The following LRRC37A2 variants were observed in gnomAD, a reference collection of about 807,000 sequenced individuals.
The protein encoded by LRRC37A2 is leucine-rich repeat-containing protein 37A2.
A neutral mutation model predicts 68.8 loss-of-function variants in LRRC37A2; 9 were observed. That is an observed-to-expected ratio of 0.13 (90% CI 0.08 to 0.23). LRRC37A2 has a LOEUF of 0.23. LRRC37A2 is among the 10% of genes least tolerant of loss of function. The pLI is 1.00. For missense variants in LRRC37A2, 168 were observed against 950.4 expected (o/e 0.18, Z 10.82); for synonymous variants, 63 against 367.6 (o/e 0.17, Z 9.48).
the LRRC37A2 span, among the ~76,000 whole-genome samples, chr17:46,914,220 T>C: frequency 6.6e-6 from 1 of 152,092 alleles, no homozygotes; most frequent in Non-Finnish European, 1.5e-5. Context: ...AGGTGGCATG[T>C]GAGCATTGGC....
At chr17:46,785,222 G>T in the LRRC37A2 span, among the ~76,000 whole-genome samples, 3 of 152,202 alleles carry the variant, frequency 2.0e-5, no homozygotes, top group Non-Finnish European at 4.4e-5. Flanking sequence ...CTTCCCTGTT[G>T]TCCTGGGATC....
At chr17:46,704,710 T>A in the LRRC37A2 span, 2 of 1,585,748 alleles carry the variant, frequency 1.3e-6, no homozygotes, top group Non-Finnish European at 1.7e-6. Context: ...TATTCTTAAC[T>A]ATTCTTAAAT....
the LRRC37A2 span, chr17:46,942,013 A>G: frequency 1.7e-5 from 16 of 941,298 alleles, no homozygotes; most frequent in Non-Finnish European, 2.0e-5. Context: ...CTTACTGTTT[A>G]TATCCTACCT....
At chr17:46,970,473 C>T in the LRRC37A2 span, among the ~76,000 whole-genome samples, 1 of 133,896 alleles carries the variant, frequency 7.5e-6, no homozygotes, top group African/African-American at 2.8e-5. Context: ...CTGGGAGGCA[C>T]AGGTTGCAGC....
chr17:46,965,414 C>T, the LRRC37A2 span, among the ~76,000 whole-genome samples: 2 of 152,308 alleles, frequency 1.3e-5, no homozygotes, highest in African/African-American at 2.4e-5. Context: ...TTCTGTGGCA[C>T]CCCAGGGCTC....
the LRRC37A2 span, among the ~76,000 whole-genome samples, chr17:47,034,584 T>G: frequency 1.3e-5 from 2 of 152,124 alleles, no homozygotes; most frequent in African/African-American, 2.4e-5. Flanking sequence ...TCATTATTTT[T>G]GGTGTTTAGA....
the LRRC37A2 span, among the ~76,000 whole-genome samples, chr17:46,998,163 T>C: frequency 1.3e-4 from 20 of 152,278 alleles, no homozygotes; most frequent in East Asian, 3.9e-3. Flanking sequence ...TATATAACGA[T>C]ATTAAAGAAT....
chr17:46,954,290 G>A, the LRRC37A2 span, among the ~76,000 whole-genome samples: 1 of 152,168 alleles, frequency 6.6e-6, no homozygotes, highest in Non-Finnish European at 1.5e-5. Flanking sequence ...TATTAAATAG[G>A]GAATCCTTTT....
chr17:46,889,135 T>C, the LRRC37A2 span, among the ~76,000 whole-genome samples: 1 of 152,062 alleles, frequency 6.6e-6, no homozygotes, highest in African/African-American at 2.4e-5. Context: ...TTTATTCGTA[T>C]CCTAGACTTA....
the LRRC37A2 span, among the ~76,000 whole-genome samples, chr17:47,038,495 G>T: frequency 6.6e-6 from 1 of 151,518 alleles, no homozygotes; most frequent in East Asian, 1.9e-4. Flanking sequence ...CGCACCTGTC[G>T]TCTCAGCTAC....
chr17:46,830,013 A>G, the LRRC37A2 span, among the ~76,000 whole-genome samples: 1 of 152,272 alleles, frequency 6.6e-6, no homozygotes, highest in Middle Eastern at 3.4e-3. Flanking sequence ...CTGACTTCCT[A>G]AGACCTGTTA....
chr17:46,840,183 T>C, the LRRC37A2 span, among the ~76,000 whole-genome samples: 8 of 151,808 alleles, frequency 5.3e-5, no homozygotes, highest in African/African-American at 1.9e-4. Context: ...GCCTCCTGGA[T>C]TCATGCCATT....
chr17:46,737,986 G>A, the LRRC37A2 span, among the ~76,000 whole-genome samples: 2 of 151,816 alleles, frequency 1.3e-5, no homozygotes, highest in East Asian at 3.9e-4. Flanking sequence ...CCAGGGTGGA[G>A]TGCAGTGACG....
chr17:46,922,893 C>A, the LRRC37A2 span: 13 of 522,652 alleles, frequency 2.5e-5, no homozygotes, highest in Non-Finnish European at 4.1e-5. Context: ...GTTAGTATCC[C>A]GCGATTGTCC....
At chr17:46,936,920 C>A in the LRRC37A2 span, 2 of 547,796 alleles carry the variant, frequency 3.7e-6, no homozygotes, top group Non-Finnish European at 4.6e-6. Flanking sequence ...TAATGTTGAT[C>A]TCACTTTCCT....
At chr17:46,968,146 A>G in the LRRC37A2 span, among the ~76,000 whole-genome samples, 4 of 152,046 alleles carry the variant, frequency 2.6e-5, no homozygotes, top group African/African-American at 9.7e-5. Context: ...TTCAGCTCCA[A>G]CAAGCCCCAT....
chr17:46,988,445 T>C, the LRRC37A2 span, among the ~76,000 whole-genome samples: 5 of 152,222 alleles, frequency 3.3e-5, no homozygotes, highest in Admixed American at 6.5e-5. Flanking sequence ...TGCCAAGACA[T>C]TGTTCACTTT....
the LRRC37A2 span, chr17:46,768,630 C>T: frequency 6.2e-7 from 1 of 1,614,156 alleles, no homozygotes; most frequent in Admixed American, 1.7e-5. The surrounding 1 kb of genome is among the most constrained non-coding windows in gnomAD (Gnocchi z 5.0). Context: ...CACCCAGCCT[C>T]GGGACTCACG....
chr17:46,934,355 GAGAA>G, the LRRC37A2 span, among the ~76,000 whole-genome samples: 27 of 152,074 alleles, frequency 1.8e-4, no homozygotes, highest in Non-Finnish European at 3.1e-4. Flanking sequence ...ATACAAAAAA[GAGAA>G]AGAAAGAAAG....
Sources: gnomAD v4.1 joint callset for allele counts (sites outside exome capture counted in the v4.1 genomes callset) on GRCh38, gnomAD v4.1.1 for gene constraint, Gnocchi (gnomAD v3.1) non-coding constraint, MANE v1.5 for transcripts, NCBI Gene and HGNC (gene_info 2026-07-23, HGNC 2026-07-21) for gene names.